The following YIPF6 variants were observed in gnomAD, a reference collection of about 807,000 sequenced individuals.
The protein encoded by YIPF6 is Yip1 domain family member 6, also known as protein YIPF6.
In YIPF6, 3 loss-of-function variants were observed where a neutral mutation model predicts 16.8. The observed-to-expected ratio is 0.18, with a 90% CI of 0.08 to 0.46. The LOEUF (loss-of-function observed/expected upper bound fraction) is 0.46, where lower values mean the gene tolerates loss of function less well. YIPF6 is among the 20% of genes least tolerant of loss of function. The pLI is 0.98. For missense variants in YIPF6, 145 were observed against 184.9 expected, an observed-to-expected ratio of 0.78 and a Z score of 1.25; for synonymous variants, 67 against 61.9, an observed-to-expected ratio of 1.08 and a Z score of -0.38.
chrX:68,506,731 A>AT (rs981926075), intron 1 of YIPF6, among the ~76,000 whole-genome samples: 3 of 110,006 alleles, frequency 2.7e-5, no homozygotes, highest in Admixed American at 9.8e-5. Flanking sequence ...TAAATAAGAA[A>AT]TTTTTTTTTG....
intron 6 of YIPF6, among the ~76,000 whole-genome samples, chrX:68,525,714 T>TG (rs1240328049): frequency 8.9e-6 from 1 of 112,179 alleles, no homozygotes; most frequent in Non-Finnish European, 1.9e-5. Context: ...GCTAGCCAGT[T>TG]TTCCCAACAC....
intron 6 of YIPF6, among the ~76,000 whole-genome samples, chrX:68,531,385 A>G (rs2079170859): frequency 9.0e-6 from 1 of 111,723 alleles, no homozygotes; most frequent in Admixed American, 9.6e-5. Context: ...TTTGCCTCCC[A>G]AAGTGCTGGA....
rs1300418012 is a variant in YIPF6, at chrX:68,533,784, T to A, written c.*1785T>A. Reference sequence around the variant, plus strand: ...AATACTTTGGAACTGATCCTCATTTTGAAATTGGTTCTAAATTATTATCCA... The same window carrying A: ...AATACTTTGGAACTGATCCTCATTTAGAAATTGGTTCTAAATTATTATCCA... On this transcript the variant is annotated 3_prime_UTR_variant, in exon 7 of 7. Coordinates refer to ENST00000462683, the MANE Select transcript of YIPF6 (RefSeq NM_173834.4). The A allele has an allele frequency of 8.9e-6, 1 of 112,566 alleles. No individual in the cohort carries two copies. Among genetic ancestry groups the A allele is most frequent in the Non-Finnish European group, 1.9e-5 (1 of 53,327 alleles). The allele number at this position is 112,566 out of a possible 1,213,427, so 9.3% of individuals were successfully genotyped here. A position where few individuals can be genotyped will look rare whatever the true frequency, so the allele number is the denominator to read the frequency against.
intron 1 of YIPF6, among the ~76,000 whole-genome samples, chrX:68,506,076 A>G (rs1032456906): frequency 9.1e-6 from 1 of 109,768 alleles, no homozygotes; most frequent in Non-Finnish European, 1.9e-5. Context: ...CTTATCTTTC[A>G]TAATCTTTTC....
rs1283821049 is a variant in YIPF6, at chrX:68,536,739, T to G, written c.*4740T>G. 9.0e-6 allele frequency: 1 copy of G among 111,707 alleles called. No individual in the cohort carries two copies. Among genetic ancestry groups the G allele is most frequent in the Admixed American group, 9.5e-5 (1 of 10,484 alleles). The allele number at this position is 111,707 out of a possible 1,213,427, so 9.2% of individuals were successfully genotyped here. On this transcript the variant is annotated 3_prime_UTR_variant, in exon 7 of 7. Transcript: ENST00000462683. The stretch of plus-strand genomic sequence containing the variant: ...GAACAGTTGGACATTGGAAAGAGGT[T>G]TGTTGCCCTCATCCCTCCTTGAACC...
rs1320293947 is a variant in YIPF6, at chrX:68,511,946, C to T, written c.155C>T (p.Ser52Phe). 1.7e-5 allele frequency: 20 copies of T among 1,207,996 alleles called. No homozygotes were observed. The highest frequency in any genetic ancestry group is 2.2e-5 in the Non-Finnish European group (20 of 894,687). The change falls in exon 2 of 7, where the codon TCC becomes TTC. Residue 52 changes from serine to phenylalanine, a missense_variant. Ser to Phe is a radical substitution (Grantham distance 155, BLOSUM62 -2). Coordinates refer to ENST00000462683, the MANE Select transcript of YIPF6 (RefSeq NM_173834.4). The stretch of plus-strand genomic sequence containing the variant: ...TCTCGCATCCGGGAGTTTGACAGCT[C>T]CACATTAAATGAATCTGTTCGCAAT... ...MRSRIREFDS[S>F]TLNESVRNTI...
intron 3 of YIPF6, chrX:68,515,384 C>T (rs1456525755): frequency 9.0e-6 from 1 of 110,952 alleles, no homozygotes; most frequent in African/African-American, 3.3e-5. Flanking sequence ...AGCAGTCTGC[C>T]CACCTCAGCC....
intron 1 of YIPF6, among the ~76,000 whole-genome samples, chrX:68,510,458 C>T (rs2079075902): frequency 9.1e-6 from 1 of 109,955 alleles, no homozygotes; most frequent in Non-Finnish European, 1.9e-5. Flanking sequence ...CTATCCTATT[C>T]CTTTCTTTCC....
intron 1 of YIPF6, among the ~76,000 whole-genome samples, chrX:68,508,561 C>T (rs995059905): frequency 1.8e-5 from 2 of 111,486 alleles, no homozygotes; most frequent in African/African-American, 6.5e-5. Flanking sequence ...ATAATTTTGA[C>T]TGACCTAGCT....
intron 4 of YIPF6, among the ~76,000 whole-genome samples, chrX:68,519,312 T>C (rs1261283456): frequency 9.1e-6 from 1 of 110,470 alleles, no homozygotes; most frequent in Non-Finnish European, 1.9e-5. Flanking sequence ...ATATAACCAT[T>C]GATAGAGCGG....
At position 68,499,061 on chromosome X, in the gene YIPF6, G is replaced by A. The variant is rs1422492838; in HGVS notation, c.-6G>A. The A allele has an allele frequency of 2.5e-6, 3 of 1,184,883 alleles. No homozygotes were observed. The highest frequency in any genetic ancestry group is 3.4e-6 in the Non-Finnish European group (3 of 882,083). On this transcript the variant is annotated 5_prime_UTR_variant, in exon 1 of 7. Coordinates refer to ENST00000462683, the MANE Select transcript of YIPF6 (RefSeq NM_173834.4). ...GTGGGAGCGACCCGGGAGAAGGAGG[G>A]CCAAGATGGCGGAAGCGGAGGAGTC...
In YIPF6 at chrX:68,513,454, CT is replaced by C. The variant is rs57755193; in HGVS notation, c.265+51del. ...GTTTGCTTAATCTATCTCACTGTAC[CT>C]TATCGTAAGTACTTTATAAGGCAAA... On this transcript the variant is annotated intron_variant, in intron 3 of 6. Coordinates refer to ENST00000462683, the MANE Select transcript of YIPF6 (RefSeq NM_173834.4). 25,455 of 922,921 alleles carry C rather than the reference CT, an allele frequency of 0.028. 2,031 individuals carry two copies. In the African/African-American group the frequency reaches 0.31, roughly 11 times the overall value. 76.1% of individuals were successfully genotyped at this position (922,921 alleles called of 1,213,427 possible).
At chrX:68,522,094 TG>T (rs1306153312) in intron 5 of YIPF6, among the ~76,000 whole-genome samples, 1 of 110,327 alleles carries the variant, frequency 9.1e-6, no homozygotes, top group Non-Finnish European at 1.9e-5. Flanking sequence ...ATGTACGTTT[TG>T]GGGGGCAAGT....
At chrX:68,509,782 C>T (rs1194497175) in intron 1 of YIPF6, among the ~76,000 whole-genome samples, 1 of 111,107 alleles carries the variant, frequency 9.0e-6, no homozygotes, top group African/African-American at 3.3e-5. Flanking sequence ...TGAGTTGTCA[C>T]CTGTGTTCTG....
chrX:68,505,304 G>C (rs777723412), intron 1 of YIPF6, among the ~76,000 whole-genome samples: 7 of 111,248 alleles, frequency 6.3e-5, no homozygotes, highest in South Asian at 3.8e-4. Flanking sequence ...CAACTACTAG[G>C]GGGGCTGAGA....
In YIPF6 at chrX:68,513,379, G is replaced by C; in HGVS notation, c.239G>C (p.Arg80Thr). ...GKKFMHVLYP[R>T]KSNTLLRDWD... ...AAATTCATGCATGTTTTGTACCCAA[G>C]GAAAAGTAATACTCTTTTGAGAGAT... Residue 80 changes from arginine (R) to threonine (T), a missense_variant, in exon 3 of 7, where the codon AGG becomes ACG. Physicochemically the swap from Arg to Thr is moderately conservative, Grantham distance 71. Transcript: ENST00000462683. 8.3e-7 allele frequency: 1 copy of C among 1,204,828 alleles called. No homozygotes were observed. Among genetic ancestry groups the C allele is most frequent in the Non-Finnish European group, 1.1e-6 (1 of 892,135 alleles).
At chrX:68,528,660 A>G (rs1446181941) in intron 6 of YIPF6, among the ~76,000 whole-genome samples, 1 of 111,618 alleles carries the variant, frequency 9.0e-6, no homozygotes, top group Admixed American at 9.6e-5. Flanking sequence ...TTCAGGAGCT[A>G]TTGTAAGGCA....
At chrX:68,520,319 G>A (rs779676656) in intron 4 of YIPF6, among the ~76,000 whole-genome samples, 10 of 112,299 alleles carry the variant, frequency 8.9e-5, no homozygotes, top group Non-Finnish European at 7.5e-5. Context: ...ATTCAAAACA[G>A]TTTATATCTG....
At chrX:68,505,465 T>C (rs772524342) in intron 1 of YIPF6, among the ~76,000 whole-genome samples, 23 of 111,492 alleles carry the variant, frequency 2.1e-4, no homozygotes, top group Admixed American at 9.6e-4. Flanking sequence ...TCAAAGAGAG[T>C]GAGGCTTGAA....
Sources: gnomAD v4.1 joint callset for allele counts (sites outside exome capture counted in the v4.1 genomes callset) on GRCh38, gnomAD v4.1.1 for gene constraint, MANE v1.5 for transcripts, NCBI Gene and HGNC (gene_info 2026-07-23, HGNC 2026-07-21) for gene names.